Variants in TMCO6 observed in about 807,000 individuals in gnomAD.
TMCO6 encodes the protein transmembrane and coiled-coil domains 6, also known as transmembrane and coiled-coil domain-containing protein 6.
Under a neutral mutation model 61.8 loss-of-function variants are expected in TMCO6, and 47 were observed. The ratio of observed to expected loss-of-function variants is 0.76; its 90% CI spans 0.60 to 0.97. The LOEUF (loss-of-function observed/expected upper bound fraction) is 0.97. Among genes scored for constraint, TMCO6 ranks in the 50% least tolerant of loss-of-function variants. TMCO6 has a pLI of 0.00. For synonymous variants in TMCO6, 261 were observed against 254.2 expected, an observed-to-expected ratio of 1.03 and a Z score of -0.25; for missense variants, 557 against 601.6, an observed-to-expected ratio of 0.93 and a Z score of 0.78.
Position 140,643,625 on chromosome 5 carries a change from T to A in TMCO6, c.868T>A (p.Leu290Met), listed in dbSNP as rs1208333711. 6.2e-7 allele frequency: 1 copy of A among 1,613,976 alleles called. No individual in the cohort carries two copies. Among genetic ancestry groups the A allele is most frequent in the African/African-American group, 1.3e-5 (1 of 74,942 alleles). The change falls in exon 8 of 12, where the codon TTG becomes ATG. Residue 290 changes from leucine to methionine, a missense_variant. Transcript: ENST00000394671. Reference protein sequence around the residue: ...GALSTLGLLLLDLAGAVQKTE... With the variant: ...GALSTLGLLLMDLAGAVQKTE... ...TCTGTCTACTCTGGGGTTGCTGCTG[T>A]TGGACTTGGCTGGGGCTGTCCAGAA... is the stretch of plus-strand genomic sequence containing the variant.
chr5:140,617,725 C>A, the TMCO6 span, among the ~76,000 whole-genome samples: 1 of 70,462 alleles, frequency 1.4e-5, no homozygotes, highest in African/African-American at 5.8e-5. Flanking sequence ...CAGAGTGAGT[C>A]TCTGTCAAAA....
At chr5:140,610,186 T>TAAAAAAA in the TMCO6 span, among the ~76,000 whole-genome samples, 31 of 70,742 alleles carry the variant, frequency 4.4e-4, 1 homozygote, top group African/African-American at 1.7e-3. Context: ...CCATTTCTAC[T>TAAAAAAA]AAAAAAAAAA....
chr5:140,614,815 C>T, the TMCO6 span, among the ~76,000 whole-genome samples: 3 of 152,002 alleles, frequency 2.0e-5, no homozygotes, highest in South Asian at 2.1e-4. Flanking sequence ...AGGGTTTCAC[C>T]GTGTTAGCCA....
At chr5:140,647,289 A>G (rs766721362), downstream of TMCO6, 6 of 1,571,134 alleles carry the variant, frequency 3.8e-6, no homozygotes, top group African/African-American at 6.8e-5. Flanking sequence ...TGCACATCGG[A>G]GCATTCGCGG....
At chr5:140,647,329 C>A, downstream of TMCO6, 1 of 1,604,854 alleles carries the variant, frequency 6.2e-7, no homozygotes, top group Non-Finnish European at 8.5e-7. Context: ...GATTCGCCTT[C>A]TTCAGCTCCA....
chr5:140,626,482 C>T, the TMCO6 span, among the ~76,000 whole-genome samples: 2,915 of 152,166 alleles, frequency 0.019, 92 homozygotes, highest in African/African-American at 0.066. Flanking sequence ...CTTACTGTAA[C>T]TTCTGCCTCC....
chr5:140,628,157 C>T, the TMCO6 span, among the ~76,000 whole-genome samples: 8 of 147,906 alleles, frequency 5.4e-5, no homozygotes, highest in East Asian at 2.0e-4. Context: ...TAGAGGCATG[C>T]GCCACCACAC....
chr5:140,596,863 A>G, the TMCO6 span, among the ~76,000 whole-genome samples: 1 of 152,212 alleles, frequency 6.6e-6, no homozygotes, highest in Non-Finnish European at 1.5e-5. Flanking sequence ...CATGAATCCT[A>G]GGCTTCTGCT....
chr5:140,631,945 C>G, the TMCO6 span: 14 of 1,612,860 alleles, frequency 8.7e-6, no homozygotes, highest in Non-Finnish European at 1.2e-5. Flanking sequence ...GGGACCACGC[C>G]GGAGTTCATT....
the TMCO6 span, among the ~76,000 whole-genome samples, chr5:140,597,155 T>C: frequency 6.6e-6 from 1 of 152,238 alleles, no homozygotes; most frequent in Admixed American, 6.5e-5. Context: ...TGGTGTAGCA[T>C]TTATATAACA....
At chr5:140,621,839 T>C in the TMCO6 span, among the ~76,000 whole-genome samples, 2 of 152,068 alleles carry the variant, frequency 1.3e-5, no homozygotes, top group Non-Finnish European at 2.9e-5. Context: ...AGGAGTGAAA[T>C]AGACCCCAGT....
intron 5 of TMCO6, 45 bp from the exon 6 acceptor site, chr5:140,642,540 CT>C: frequency 6.2e-7 from 1 of 1,610,834 alleles, no homozygotes; most frequent in Non-Finnish European, 8.5e-7. Context: ...CTCTGAAGAC[CT>C]GATGACCCAG....
the TMCO6 span, among the ~76,000 whole-genome samples, chr5:140,610,452 G>C: frequency 6.6e-6 from 1 of 152,182 alleles, no homozygotes; most frequent in Non-Finnish European, 1.5e-5. Context: ...TCCCGCCTCA[G>C]CCAACCAAAG....
the TMCO6 span, chr5:140,632,179 C>A: frequency 5.0e-6 from 8 of 1,613,794 alleles, no homozygotes; most frequent in Admixed American, 1.3e-4. This position sits in a 1 kb window ranked among gnomAD's most constrained non-coding sequence, Gnocchi z 6.2. Flanking sequence ...CATCTCGGAG[C>A]GCTAGGGTTT....
rs1450466641 is a variant in TMCO6, at chr5:140,643,870, C to T, written c.1009C>T (p.Arg337Cys). The change falls in exon 9 of 12, where the codon CGT becomes TGT. Residue 337 changes from arginine to cysteine, a missense_variant. Physicochemically the swap from Arg to Cys is radical, Grantham distance 180 (BLOSUM62 -3). Transcript: ENST00000394671. ...AGGGCAAATGCAGCTCAGAGATGAG[C>T]GTGTTGTGGCAGCCTTATTTATCCT... Reference protein sequence around the residue: ...VGGQMQLRDERVVAALFILLQ... With the variant: ...VGGQMQLRDECVVAALFILLQ... The T allele has an allele frequency of 4.3e-6, 7 of 1,614,198 alleles. No homozygotes were observed. Among genetic ancestry groups the T allele is most frequent in the East Asian group, 2.2e-5 (1 of 44,888 alleles).
At chr5:140,643,388 A>G in intron 7 of TMCO6, 176 bp from the exon 8 acceptor site, 1 of 679,006 alleles carries the variant, frequency 1.5e-6, no homozygotes, top group African/African-American at 1.8e-5. Context: ...ATAGAGACGG[A>G]GTTTCGCCAT....
intron 2 of TMCO6, 129 bp from the exon 3 acceptor site, chr5:140,641,536 T>C (rs1757030415): frequency 2.8e-6 from 2 of 713,112 alleles, no homozygotes; most frequent in African/African-American, 1.8e-5. Flanking sequence ...TGCTTATTAG[T>C]TGCATTAGTG....
chr5:140,598,423 ACTG>A, the TMCO6 span, among the ~76,000 whole-genome samples: 1 of 151,904 alleles, frequency 6.6e-6, no homozygotes, highest in Non-Finnish European at 1.5e-5. Flanking sequence ...TCCCTATTAA[ACTG>A]CTACTCTGAG....
chr5:140,639,387 T>C, upstream of TMCO6: 1 of 813,180 alleles, frequency 1.2e-6, no homozygotes, highest in Non-Finnish European at 1.9e-6. Flanking sequence ...AGCCCCGCCC[T>C]CACCCAGCAC....
Sources: gnomAD v4.1 joint callset for allele counts (sites outside exome capture counted in the v4.1 genomes callset) on GRCh38, gnomAD v4.1.1 for gene constraint, Gnocchi (gnomAD v3.1) non-coding constraint, MANE v1.5 for transcripts, NCBI Gene and HGNC (gene_info 2026-07-23, HGNC 2026-07-21) for gene names.